Variants in FAR1 observed in about 807,000 individuals in gnomAD.
The protein encoded by FAR1 is fatty acyl-CoA reductase 1.
A neutral mutation model predicts 61.1 loss-of-function variants in FAR1; 22 were observed. The observed-to-expected ratio is 0.36, with a 90% CI of 0.26 to 0.51. The LOEUF (loss-of-function observed/expected upper bound fraction) is 0.51. FAR1 is among the 20% of genes least tolerant of loss of function. The pLI is 0.95. For missense variants in FAR1, 359 were observed against 626.9 expected, an observed-to-expected ratio of 0.57 and a Z score of 4.56; for synonymous variants, 206 against 209.7, an observed-to-expected ratio of 0.98 and a Z score of 0.15.
intron 1 of FAR1, among the ~76,000 whole-genome samples, chr11:13,680,227 GCT>G (rs200726660): frequency 6.6e-6 from 1 of 151,634 alleles, no homozygotes; most frequent in African/African-American, 2.4e-5. Context: ...TTGCATTTTG[GCT>G]CTTTTTTTGT....
chr11:13,686,845 A>G (rs1172010143), intron 1 of FAR1, among the ~76,000 whole-genome samples: 4 of 152,208 alleles, frequency 2.6e-5, no homozygotes, highest in Admixed American at 6.5e-5. Context: ...AGAGAATACA[A>G]TCATGTTACA....
At chr11:13,705,156 C>A (rs1004128258) in intron 3 of FAR1, among the ~76,000 whole-genome samples, 8 of 151,652 alleles carry the variant, frequency 5.3e-5, no homozygotes, top group African/African-American at 1.7e-4. Flanking sequence ...CATTTTGTAC[C>A]CCCCTCCCAA....
intron 1 of FAR1, among the ~76,000 whole-genome samples, chr11:13,681,631 C>T (rs1015719861): frequency 1.1e-4 from 16 of 152,176 alleles, no homozygotes; most frequent in African/African-American, 3.6e-4. Context: ...TCTGACTATT[C>T]TGAGGTCCCC....
chr11:13,710,559 A>AT, intron 4 of FAR1, 134 bp from the exon 5 acceptor site: 1 of 712,582 alleles, frequency 1.4e-6, no homozygotes. Flanking sequence ...ACTAAGTTCC[A>AT]TTTTTCAGTA....
chr11:13,685,071 C>A (rs1848171821), intron 1 of FAR1, among the ~76,000 whole-genome samples: 2 of 151,976 alleles, frequency 1.3e-5, no homozygotes, highest in African/African-American at 2.4e-5. Context: ...GAAATAAAGC[C>A]ACTGATCTTT....
chr11:13,715,969 G>A (rs1228616486), intron 9 of FAR1: 2 of 152,158 alleles, frequency 1.3e-5, no homozygotes, highest in East Asian at 3.9e-4. Flanking sequence ...ACTTTTCCAT[G>A]ATGTTTCTAA....
chr11:13,723,912 C>T (rs1002527521), intron 10 of FAR1, among the ~76,000 whole-genome samples: 3 of 152,006 alleles, frequency 2.0e-5, no homozygotes, highest in African/African-American at 7.2e-5. Context: ...AGAATTTTTT[C>T]TTGAAACATA....
In FAR1 at chr11:13,730,856, A is replaced by G; in HGVS notation, c.*2082A>G. On this transcript the variant is annotated 3_prime_UTR_variant, in exon 12 of 12. Coordinates refer to ENST00000354817, the MANE Select transcript of FAR1 (RefSeq NM_032228.6). ...TCTGTTGTCAAAAGAAAACTAATGA[A>G]TAAATTAGTTTGTCATTCTAGAATT... 1 of 152,166 alleles carries G rather than the reference A, an allele frequency of 6.6e-6. No homozygotes were observed. The allele number at this position is 152,166 out of a possible 1,614,324, so 9.4% of individuals were successfully genotyped here. A position where few individuals can be genotyped will look rare whatever the true frequency, so the allele number is the denominator to read the frequency against.
intron 9 of FAR1, among the ~76,000 whole-genome samples, chr11:13,716,409 G>C (rs1041232847): frequency 1.8e-4 from 28 of 152,170 alleles, no homozygotes; most frequent in Non-Finnish European, 4.4e-5. Context: ...TCAGGATCAA[G>C]AATTTGAGAA....
In FAR1 at chr11:13,712,966, A is replaced by T; in HGVS notation, c.888A>T (p.Arg296Ser). ...LAAAWYSGVN[R>S]PRNIMVYNCT... ...ATTGGTTTCATCTTTGTCTTTGCAG[A>T]CCAAGAAACATCATGGTGTATAATT... The change falls in exon 8 of 12, where the codon AGA becomes AGT. Residue 296 changes from arginine (R) to serine (S), a missense_variant and splice_region_variant. By Grantham distance (110) the Arg-to-Ser change is moderately radical. Coordinates refer to ENST00000354817, the MANE Select transcript of FAR1 (RefSeq NM_032228.6). 1 of 1,612,380 alleles carries T rather than the reference A, an allele frequency of 6.2e-7. No individual in the cohort carries two copies. The highest frequency in any genetic ancestry group is 8.5e-7 in the Non-Finnish European group (1 of 1,178,850).
intron 1 of FAR1, among the ~76,000 whole-genome samples, chr11:13,674,980 C>G (rs1461987339): frequency 2.0e-5 from 3 of 151,630 alleles, no homozygotes; most frequent in African/African-American, 4.8e-5. Flanking sequence ...TTAAGAGTTA[C>G]TAACTTGTGG....
intron 8 of FAR1, among the ~76,000 whole-genome samples, chr11:13,713,920 T>C (rs568347064): frequency 3.9e-5 from 6 of 152,224 alleles, no homozygotes; most frequent in South Asian, 2.1e-4. Context: ...TATTGTGTTA[T>C]AAAGTTTAGT....
chr11:13,689,582 G>C (rs1220223331), intron 1 of FAR1, among the ~76,000 whole-genome samples: 1 of 152,096 alleles, frequency 6.6e-6, no homozygotes, highest in Admixed American at 6.6e-5. Context: ...CAACAAAAAT[G>C]GTGCTGTTAT....
At chr11:13,682,893 T>G (rs1371362950) in intron 1 of FAR1, among the ~76,000 whole-genome samples, 1 of 152,088 alleles carries the variant, frequency 6.6e-6, no homozygotes, top group Non-Finnish European at 1.5e-5. Flanking sequence ...ATTACAGGCA[T>G]GAGCCACTGC....
intron 1 of FAR1, among the ~76,000 whole-genome samples, chr11:13,684,114 T>C (rs1848160297): frequency 1.3e-5 from 2 of 152,200 alleles, no homozygotes; most frequent in Admixed American, 1.3e-4. Flanking sequence ...AGAAGGTACA[T>C]CCATTTCCAA....
intron 1 of FAR1, among the ~76,000 whole-genome samples, chr11:13,693,682 C>A (rs191984213): frequency 3.9e-5 from 6 of 152,274 alleles, no homozygotes; most frequent in African/African-American, 1.4e-4. Flanking sequence ...GAGCTCTTGC[C>A]TCATTATAGT....
chr11:13,698,657 C>T (rs548375745), intron 2 of FAR1, among the ~76,000 whole-genome samples: 3 of 152,052 alleles, frequency 2.0e-5, no homozygotes, highest in East Asian at 1.9e-4. Flanking sequence ...GGTGAAACCC[C>T]GTCTCTACTA....
chr11:13,712,924 G>T, intron 7 of FAR1, 42 bp from the exon 8 acceptor site: 1 of 1,523,622 alleles, frequency 6.6e-7, no homozygotes, highest in Non-Finnish European at 9.1e-7. Flanking sequence ...GATATGTTTG[G>T]CCTCTTATTA....
chr11:13,721,602 T>C lies in FAR1; in HGVS notation c.1128-128T>C. ...TTATTCCCTGCTGATTTGGTACACT[T>C]AATGATTAAATGTTATAATTTTAAT... On this transcript the variant is annotated intron_variant, in intron 9 of 11. Coordinates refer to ENST00000354817, the MANE Select transcript of FAR1 (RefSeq NM_032228.6). The surrounding 1 kb of genome is among the most constrained non-coding windows in gnomAD (Gnocchi z 4.2). 1.5e-6 allele frequency: 1 copy of C among 656,972 alleles called. No homozygotes were observed. Among genetic ancestry groups the C allele is most frequent in the East Asian group, 3.1e-5 (1 of 31,990 alleles). 40.7% of individuals were successfully genotyped at this position (656,972 alleles called of 1,614,324 possible).
Sources: gnomAD v4.1 joint callset for allele counts (sites outside exome capture counted in the v4.1 genomes callset) on GRCh38, gnomAD v4.1.1 for gene constraint, Gnocchi (gnomAD v3.1) non-coding constraint, MANE v1.5 for transcripts, NCBI Gene and HGNC (gene_info 2026-07-23, HGNC 2026-07-21) for gene names.